Variants in NREP observed in about 807,000 individuals in gnomAD.
The protein encoded by NREP is neuronal regeneration related protein, also known as neuronal regeneration-related protein.
In NREP, 5 loss-of-function variants were observed where a neutral mutation model predicts 8.6. That is an observed-to-expected ratio of 0.58 (90% CI 0.30 to 1.22). NREP has a LOEUF of 1.22. Ranked by LOEUF, NREP falls within the 50% of genes most tolerant of loss-of-function variation. The probability of loss-of-function intolerance (pLI) is 0.07; values close to 1 mark genes in which losing one functional copy is unlikely to be tolerated. For synonymous variants in NREP, 27 were observed against 28.0 expected, an observed-to-expected ratio of 0.96 and a Z score of 0.11; for missense variants, 86 against 82.5, an observed-to-expected ratio of 1.04 and a Z score of -0.17.
At chr5:111,881,348 C>A (rs892971932) in intron 2 of NREP, among the ~76,000 whole-genome samples, 1 of 152,204 alleles carries the variant, frequency 6.6e-6, no homozygotes, top group Non-Finnish European at 1.5e-5. Flanking sequence ...GTGGAGCCCA[C>A]CACAGCTCAA....
intron 2 of NREP, among the ~76,000 whole-genome samples, chr5:111,888,727 C>G (rs1754321984): frequency 6.6e-6 from 1 of 152,214 alleles, no homozygotes; most frequent in African/African-American, 2.4e-5. Context: ...CTGTCTTTCT[C>G]TCCTACTTCT....
At chr5:111,886,366 T>C (rs1754248876) in intron 2 of NREP, among the ~76,000 whole-genome samples, 1 of 151,636 alleles carries the variant, frequency 6.6e-6, no homozygotes, top group Non-Finnish European at 1.5e-5. Context: ...ACTTTTACAC[T>C]GTTGGTGGGA....
At chr5:111,902,767 G>T (rs1029338733) in intron 2 of NREP, among the ~76,000 whole-genome samples, 2 of 152,050 alleles carry the variant, frequency 1.3e-5, no homozygotes, top group African/African-American at 4.8e-5. Flanking sequence ...CAATGTTCCT[G>T]CTCCTTCTCA....
At chr5:111,887,453 A>G (rs1034933232) in intron 2 of NREP, among the ~76,000 whole-genome samples, 3 of 152,200 alleles carry the variant, frequency 2.0e-5, no homozygotes, top group Non-Finnish European at 2.9e-5. Flanking sequence ...CAATATCTCT[A>G]TATGCTGTCA....
intron 3 of NREP, 91 bp from the exon 4 acceptor site, chr5:111,731,137 T>A: frequency 6.9e-7 from 1 of 1,453,990 alleles, no homozygotes; most frequent in Non-Finnish European, 9.3e-7. Flanking sequence ...ATTTTGCTTT[T>A]CCTGCCCAGC....
intron 2 of NREP, chr5:111,739,801 A>G (rs2112808761): frequency 6.6e-6 from 1 of 151,952 alleles, no homozygotes; most frequent in East Asian, 1.9e-4. Context: ...ATACCTCAAA[A>G]CTGTTGTTTC....
intron 2 of NREP, among the ~76,000 whole-genome samples, chr5:111,919,598 A>C (rs372359517): frequency 6.6e-6 from 1 of 151,988 alleles, no homozygotes; most frequent in South Asian, 2.1e-4. Flanking sequence ...TGGAAACCAT[A>C]ATTCTCAGCA....
At chr5:111,787,262 A>G (rs1751633688) in intron 2 of NREP, among the ~76,000 whole-genome samples, 1 of 152,186 alleles carries the variant, frequency 6.6e-6, no homozygotes, top group African/African-American at 2.4e-5. Flanking sequence ...GAAGCCACAC[A>G]CACTTCAGCT....
chr5:111,775,619 A>G (rs1239511775), intron 2 of NREP, among the ~76,000 whole-genome samples: 3 of 152,186 alleles, frequency 2.0e-5, no homozygotes, highest in East Asian at 1.9e-4. Flanking sequence ...TATTTAGAGC[A>G]TAATTTTTTT....
At chr5:111,772,749 C>A (rs1751260880) in intron 2 of NREP, among the ~76,000 whole-genome samples, 1 of 152,066 alleles carries the variant, frequency 6.6e-6, no homozygotes, top group Non-Finnish European at 1.5e-5. Flanking sequence ...GGAGTCACTT[C>A]TGACTCAGCA....
chr5:111,886,202 C>G (rs1754242481), intron 2 of NREP, among the ~76,000 whole-genome samples: 1 of 152,136 alleles, frequency 6.6e-6, no homozygotes, highest in Admixed American at 6.5e-5. Context: ...ATTTATGCAG[C>G]CAAAAACCAC....
intron 2 of NREP, among the ~76,000 whole-genome samples, chr5:111,973,408 C>A (rs1415427704): frequency 6.6e-6 from 1 of 152,138 alleles, no homozygotes; most frequent in Non-Finnish European, 1.5e-5. Context: ...ATTTCCTGAG[C>A]CATACAAAAC....
intron 2 of NREP, among the ~76,000 whole-genome samples, chr5:111,934,060 G>A (rs1317377924): frequency 6.6e-6 from 1 of 152,022 alleles, no homozygotes; most frequent in Non-Finnish European, 1.5e-5. Context: ...TTTAAAGGGG[G>A]ACTTTGCACA....
intron 2 of NREP, among the ~76,000 whole-genome samples, chr5:111,915,467 C>A (rs980352146): frequency 1.3e-5 from 2 of 151,998 alleles, no homozygotes; most frequent in Non-Finnish European, 1.5e-5. Flanking sequence ...CTACAAGAGG[C>A]AATGACAGAG....
At chr5:111,812,175 T>C (rs1752285223) in intron 2 of NREP, among the ~76,000 whole-genome samples, 1 of 152,034 alleles carries the variant, frequency 6.6e-6, no homozygotes, top group Admixed American at 6.6e-5. Flanking sequence ...TAGTCCCAGC[T>C]AATTGGGAGG....
chr5:111,909,966 C>A (rs1049996368), intron 2 of NREP, among the ~76,000 whole-genome samples: 4 of 152,064 alleles, frequency 2.6e-5, no homozygotes, highest in African/African-American at 9.7e-5. Flanking sequence ...TGGGCCACAG[C>A]TATACTTGTG....
At chr5:111,874,359 C>T (rs1031730128) in intron 2 of NREP, among the ~76,000 whole-genome samples, 3 of 152,182 alleles carry the variant, frequency 2.0e-5, no homozygotes, top group Non-Finnish European at 4.4e-5. Flanking sequence ...AAAGTATAAA[C>T]TCTTTCACTT....
At chr5:111,859,891 A>G (rs1447279864) in intron 2 of NREP, among the ~76,000 whole-genome samples, 1 of 152,124 alleles carries the variant, frequency 6.6e-6, no homozygotes, top group Non-Finnish European at 1.5e-5. Context: ...GTCATGTCAT[A>G]TATTTTATTA....
chr5:111,745,999 C>G (rs1184217958), intron 2 of NREP, among the ~76,000 whole-genome samples: 1 of 152,062 alleles, frequency 6.6e-6, no homozygotes, highest in Non-Finnish European at 1.5e-5. Context: ...TGTATTTGAT[C>G]CTCATATTGC....
Sources: gnomAD v4.1 joint callset for allele counts (sites outside exome capture counted in the v4.1 genomes callset) on GRCh38, gnomAD v4.1.1 for gene constraint, MANE v1.5 for transcripts, NCBI Gene and HGNC (gene_info 2026-07-23, HGNC 2026-07-21) for gene names.